The following KIAA1549L variants were observed in gnomAD, a reference collection of about 807,000 sequenced individuals.
The protein encoded by KIAA1549L is KIAA1549 like.
KIAA1549L carries 88 observed loss-of-function variants against 160.7 expected under a neutral mutation model. The ratio of observed to expected loss-of-function variants is 0.55; its 90% CI spans 0.46 to 0.65. The LOEUF is 0.65. KIAA1549L is among the 30% of genes least tolerant of loss of function. The pLI, the probability that KIAA1549L is intolerant of heterozygous loss-of-function variation, is 0.00. For synonymous variants in KIAA1549L, 950 were observed against 976.7 expected (o/e 0.97, Z 0.51); for missense variants, 2,258 against 2,437.5 (o/e 0.93, Z 1.55).
chr11:33,501,028 T>G (rs1198752821), intron 1 of KIAA1549L, among the ~76,000 whole-genome samples: 2 of 152,026 alleles, frequency 1.3e-5, no homozygotes, highest in African/African-American at 2.4e-5. Context: ...ACTCCTCCAA[T>G]CCACTTATTG....
At chr11:33,413,026 AG>A (rs1850814183) in intron 1 of KIAA1549L, among the ~76,000 whole-genome samples, 2 of 152,282 alleles carry the variant, frequency 1.3e-5, no homozygotes, top group South Asian at 4.1e-4. Context: ...CTTTTTGAAG[AG>A]GGAATATGAA....
intron 1 of KIAA1549L, among the ~76,000 whole-genome samples, chr11:33,510,000 G>A (rs1221295143): frequency 2.0e-5 from 3 of 152,168 alleles, no homozygotes; most frequent in Non-Finnish European, 2.9e-5. Flanking sequence ...ATGAGAGTGG[G>A]TTTTGAGGGA....
rs1264652073 is a variant in KIAA1549L at position 33,543,899 on chromosome 11, T to C, written c.2336T>C (p.Leu779Pro). ...GGGTTTAGTATTCAGGATCTAGTCCTCGGTACAAGCATTGAGCAGCCTGTG... is the reference window on the plus strand; with the variant it reads ...GGGTTTAGTATTCAGGATCTAGTCCCCGGTACAAGCATTGAGCAGCCTGTG... ...AEGFSIQDLV[L>P]GTSIEQPVQQ... Residue 779 changes from leucine to proline, a missense_variant, in exon 2 of 21, where the codon CTC (leucine) becomes CCC (proline). Leu to Pro is a moderately conservative substitution (Grantham distance 98). Transcript: ENST00000658780. 3.1e-6 allele frequency: 5 copies of C among 1,613,912 alleles called. No individual in the cohort carries two copies. The highest frequency in any genetic ancestry group is 1.3e-5 in the African/African-American group (1 of 74,924).
At chr11:33,577,436 G>C (rs1052911593) in intron 10 of KIAA1549L, among the ~76,000 whole-genome samples, 1 of 152,200 alleles carries the variant, frequency 6.6e-6, no homozygotes, top group Non-Finnish European at 1.5e-5. Context: ...AGCTGACAAT[G>C]CAGAAGAGAG....
intron 8 of KIAA1549L, among the ~76,000 whole-genome samples, chr11:33,566,611 G>A (rs1855056259): frequency 6.6e-6 from 1 of 152,226 alleles, no homozygotes; most frequent in Non-Finnish European, 1.5e-5. Flanking sequence ...CTTCAAAGAA[G>A]TAATTTCAGA....
chr11:33,645,940 G>A lies in KIAA1549L; in HGVS notation c.5664G>A (p.Val1888=). ...AGCACCTGCCCTATTCGGAGGTGGT[G>A]ACCAGCGCTCCGGGGACCATGACGC... The part of the protein sequence containing the change: ...SAQHLPYSEV[V]TSAPGTMTRP... Residue 1888 remains valine, a synonymous_variant, in exon 17 of 21, where the codon GTG becomes GTA. Coordinates refer to ENST00000658780, the MANE Select transcript of KIAA1549L (RefSeq NM_012194.3). 1 of 1,613,000 alleles carries A rather than the reference G, an allele frequency of 6.2e-7. No homozygotes were observed. The highest frequency in any genetic ancestry group is 8.5e-7 in the Non-Finnish European group (1 of 1,179,464).
Position 33,618,659 on chromosome 11 carries a change from C to T in KIAA1549L, c.5406C>T (p.Tyr1802=), listed in dbSNP as rs551823874. ...RPRRGIRNSG[Y]DTEPEIIEET... is the part of the protein sequence containing the mutation. ...GGCGTGGAATCCGCAACAGCGGATACGATGTGAGTCTCTGGTGGGCTGGGT... is the reference window on the plus strand; with the variant it reads ...GGCGTGGAATCCGCAACAGCGGATATGATGTGAGTCTCTGGTGGGCTGGGT... The change falls in exon 16 of 21, where the codon TAC becomes TAT. Residue 1802 remains tyrosine, a synonymous_variant. Coordinates refer to ENST00000658780, the MANE Select transcript of KIAA1549L (RefSeq NM_012194.3). 18 of 1,581,762 alleles carry T rather than the reference C, an allele frequency of 1.1e-5. No homozygotes were observed. Among genetic ancestry groups the T allele is most frequent in the Middle Eastern group, 1.7e-4 (1 of 5,960 alleles).
intron 1 of KIAA1549L, among the ~76,000 whole-genome samples, chr11:33,397,538 G>A (rs1183431835): frequency 6.0e-5 from 9 of 149,944 alleles, no homozygotes; most frequent in African/African-American, 2.2e-4. Flanking sequence ...GTGAAACCCC[G>A]TCTCTACTAA....
Position 33,559,858 on chromosome 11 carries a change from C to T in KIAA1549L, c.3965C>T (p.Ser1322Leu), listed in dbSNP as rs755842537. ...GCCAGCAGCCTCCTCAGCCAGCTCT[C>T]GGCTGAGCTGGTGGGATTCTACCTC... ...TVASSLLSQL[S>L]AELVGFYLTY... Residue 1322 changes from serine (S) to leucine (L), a missense_variant, in exon 7 of 21, where the codon TCG becomes TTG. By Grantham distance (145) the Ser-to-Leu change is moderately radical (BLOSUM62 -2). Transcript: ENST00000658780. 5 of 1,613,760 alleles carry T rather than the reference C, an allele frequency of 3.1e-6. No individual in the cohort carries two copies. Among genetic ancestry groups the T allele is most frequent in the South Asian group, 1.1e-5 (1 of 91,078 alleles).
intron 1 of KIAA1549L, among the ~76,000 whole-genome samples, chr11:33,502,397 T>C (rs191256477): frequency 4.2e-4 from 64 of 152,334 alleles, no homozygotes; most frequent in African/African-American, 1.5e-3. Context: ...TTATCTATTT[T>C]TCCTCTGTGG....
intron 11 of KIAA1549L, among the ~76,000 whole-genome samples, chr11:33,586,141 G>C (rs565847872): frequency 6.6e-6 from 1 of 152,216 alleles, no homozygotes; most frequent in African/African-American, 2.4e-5. Flanking sequence ...GTCAAAGGAC[G>C]AGGCAGAACA....
At chr11:33,520,911 T>C (rs1853477139) in intron 1 of KIAA1549L, among the ~76,000 whole-genome samples, 1 of 152,084 alleles carries the variant, frequency 6.6e-6, no homozygotes, top group African/African-American at 2.4e-5. Context: ...GTCTGTAATC[T>C]CAGCATTTTG....
intron 8 of KIAA1549L, among the ~76,000 whole-genome samples, chr11:33,565,749 G>A (rs1855027951): frequency 6.9e-6 from 1 of 145,904 alleles, no homozygotes; most frequent in African/African-American, 2.5e-5. Context: ...TGGGTGTGTT[G>A]GCTCACACCT....
rs560058369 is a variant in KIAA1549L at position 33,512,493 on chromosome 11, G to T, written c.239-29309G>T. 2.0e-5 allele frequency among the ~76,000 whole-genome samples: 3 copies of T among 152,220 alleles called. No homozygotes were observed. The South Asian group carries it at 6.2e-4, about 32-fold the overall frequency. ...ACTGGAGTGCCGTGGTGCAATCTCG[G>T]CTCACAGGAACCTTGATCTCCCAGG... On this transcript the variant is annotated intron_variant, in intron 1 of 20. Coordinates refer to ENST00000658780, the MANE Select transcript of KIAA1549L (RefSeq NM_012194.3).
At chr11:33,474,914 T>C (rs544812829) in intron 1 of KIAA1549L, among the ~76,000 whole-genome samples, 5 of 152,332 alleles carry the variant, frequency 3.3e-5, no homozygotes, top group Non-Finnish European at 7.3e-5. Flanking sequence ...TAGACTTTTT[T>C]TGTTAATTAA....
intron 1 of KIAA1549L, among the ~76,000 whole-genome samples, chr11:33,401,730 T>A (rs1031628090): frequency 6.6e-6 from 1 of 152,178 alleles, no homozygotes; most frequent in African/African-American, 2.4e-5. Flanking sequence ...CCCAGCTAAT[T>A]TTTTGTAGAG....
chr11:33,545,498 C>T, intron 3 of KIAA1549L, 120 bp downstream of exon 3: 1 of 1,217,592 alleles, frequency 8.2e-7, no homozygotes, highest in Non-Finnish European at 1.1e-6. Flanking sequence ...CCCCCAGGGA[C>T]ATTTGGCTAT....
chr11:33,459,946 G>A (rs1851907364), intron 1 of KIAA1549L, among the ~76,000 whole-genome samples: 1 of 102,128 alleles, frequency 9.8e-6, no homozygotes, highest in Non-Finnish European at 1.9e-5. Flanking sequence ...GGGCGACAGA[G>A]CGAGACTCCG....
At chr11:33,584,330 C>T (rs1855742052) in intron 11 of KIAA1549L, among the ~76,000 whole-genome samples, 1 of 152,216 alleles carries the variant, frequency 6.6e-6, no homozygotes, top group Non-Finnish European at 1.5e-5. Flanking sequence ...GGAGTGACAT[C>T]TTCAGAGGCC....
Sources: gnomAD v4.1 joint callset for allele counts (sites outside exome capture counted in the v4.1 genomes callset) on GRCh38, gnomAD v4.1.1 for gene constraint, MANE v1.5 for transcripts, NCBI Gene and HGNC (gene_info 2026-07-23, HGNC 2026-07-21) for gene names.